The following NAV2 variants were observed in gnomAD, a reference collection of about 807,000 sequenced individuals.
NAV2 encodes neuron navigator 2.
In NAV2, 54 loss-of-function variants were observed where a neutral mutation model predicts 223.2. The ratio of observed to expected loss-of-function variants is 0.24; its 90% CI spans 0.19 to 0.30. The LOEUF (loss-of-function observed/expected upper bound fraction) is 0.30. Among genes scored for constraint, NAV2 ranks in the 10% least tolerant of loss-of-function variants. The pLI, the probability that NAV2 is intolerant of heterozygous loss-of-function variation, is 1.00. For missense variants in NAV2, 2,806 were observed against 3,147.5 expected (o/e 0.89, Z 2.60); for synonymous variants, 1,279 against 1,239.3 (o/e 1.03, Z -0.67).
intron 1 of NAV2, among the ~76,000 whole-genome samples, chr11:19,560,488 G>C (rs1435620869): frequency 1.3e-5 from 2 of 152,182 alleles, no homozygotes; most frequent in African/African-American, 4.8e-5. Context: ...ATGTGCCTCA[G>C]ATGTCTGCTG....
chr11:19,924,260 T>C (rs2044529210), intron 6 of NAV2, among the ~76,000 whole-genome samples: 1 of 148,472 alleles, frequency 6.7e-6, no homozygotes, highest in Non-Finnish European at 1.5e-5. Context: ...TTGGAGAAAA[T>C]GTAGTGAAAA....
In NAV2 at chr11:20,105,280, A is replaced by G. The variant is rs1479597487; in HGVS notation, c.6645-251A>G. 1.3e-5 allele frequency: 5 copies of G among 390,300 alleles called. No homozygotes were observed. In the Admixed American group the frequency reaches 1.3e-4, roughly 10 times the overall value. 24.2% of individuals were successfully genotyped at this position (390,300 alleles called of 1,614,324 possible). A position where few individuals can be genotyped will look rare whatever the true frequency, so the allele number is the denominator to read the frequency against. On this transcript the variant is annotated intron_variant, in intron 34 of 37. Transcript: ENST00000349880. ...AGCTGTTTGATCCTGGAAAAGTTAC[A>G]TGACCTGTCTGTTCCTCAGCATTTC...
intron 1 of NAV2, among the ~76,000 whole-genome samples, chr11:19,389,636 G>T (rs1849171878): frequency 1.3e-5 from 2 of 152,292 alleles, no homozygotes; most frequent in South Asian, 2.1e-4. Context: ...CCTCATAAGG[G>T]TTACATGCCA....
intron 1 of NAV2, among the ~76,000 whole-genome samples, chr11:19,364,126 C>G (rs972263992): frequency 2.0e-5 from 3 of 152,154 alleles, no homozygotes; most frequent in African/African-American, 7.2e-5. Flanking sequence ...GCAGCCAGCC[C>G]CCATCCTGAA....
At chr11:19,398,564 T>A (rs552664941) in intron 1 of NAV2, among the ~76,000 whole-genome samples, 1 of 152,102 alleles carries the variant, frequency 6.6e-6, no homozygotes, top group African/African-American at 2.4e-5. Context: ...ACACTCTGGC[T>A]TGTTGGTCCG....
chr11:19,605,362 G>T (rs1401586400), intron 1 of NAV2, among the ~76,000 whole-genome samples: 1 of 152,062 alleles, frequency 6.6e-6, no homozygotes, highest in African/African-American at 2.4e-5. Flanking sequence ...CTCCCAAGGA[G>T]AGTAAAGGAA....
At chr11:20,038,899 A>G (rs10741811) in intron 12 of NAV2, among the ~76,000 whole-genome samples, 150,944 of 152,332 alleles carry the variant, frequency 0.99, 74,799 homozygotes, top group East Asian at 1. Flanking sequence ...ACAGCCTCGT[A>G]TAGCTGATTG....
intron 4 of NAV2, among the ~76,000 whole-genome samples, chr11:19,878,426 CG>C (rs1411696180): frequency 6.6e-6 from 1 of 152,148 alleles, no homozygotes; most frequent in Non-Finnish European, 1.5e-5. Flanking sequence ...TGGGGCAAAG[CG>C]GTGTCCGTAT....
intron 36 of NAV2, among the ~76,000 whole-genome samples, chr11:20,108,878 A>G (rs527672350): frequency 6.6e-6 from 1 of 152,352 alleles, no homozygotes; most frequent in African/African-American, 2.4e-5. Flanking sequence ...GTAGGCTTTT[A>G]ACACTCACAG....
intron 1 of NAV2, among the ~76,000 whole-genome samples, chr11:19,620,725 C>T (rs555015826): frequency 1.3e-5 from 2 of 152,280 alleles, no homozygotes; most frequent in Non-Finnish European, 1.5e-5. Flanking sequence ...ATTTGACTTC[C>T]TCTTTTCCTA....
At chr11:19,358,659 G>A (rs1853758293) in intron 1 of NAV2, among the ~76,000 whole-genome samples, 1 of 152,132 alleles carries the variant, frequency 6.6e-6, no homozygotes, top group Non-Finnish European at 1.5e-5. Flanking sequence ...GTACCAATCT[G>A]CATACCTGGG....
At chr11:19,943,982 G>A (rs1203680343) in intron 8 of NAV2, among the ~76,000 whole-genome samples, 2 of 152,172 alleles carry the variant, frequency 1.3e-5, no homozygotes, top group East Asian at 3.9e-4. Context: ...TGGATCACCT[G>A]AAGCCAGGAG....
chr11:20,110,801 C>A (rs938969560), intron 36 of NAV2, among the ~76,000 whole-genome samples: 23 of 152,246 alleles, frequency 1.5e-4, no homozygotes, highest in Admixed American at 1.4e-3. Context: ...CTAGGGTCAC[C>A]TGCCCCTCAC....
intron 1 of NAV2, among the ~76,000 whole-genome samples, chr11:19,716,769 C>T (rs1021234446): frequency 6.6e-6 from 1 of 152,198 alleles, no homozygotes; most frequent in African/African-American, 2.4e-5. Context: ...ACAGTAACAA[C>T]ATGGTAACAA....
intron 1 of NAV2, chr11:19,777,584 C>T (rs1007819345): frequency 1.1e-5 from 5 of 453,762 alleles, no homozygotes; most frequent in Non-Finnish European, 1.8e-5. Context: ...ACCCCGCCCC[C>T]CATCCCCTTT....
chr11:20,046,877 T>C (rs1244450743), intron 14 of NAV2, among the ~76,000 whole-genome samples: 1 of 152,112 alleles, frequency 6.6e-6, no homozygotes, highest in African/African-American at 2.4e-5. Context: ...AAATTTCTTA[T>C]CATAAGAAAG....
chr11:20,079,845 T>C (rs572512725), intron 24 of NAV2, among the ~76,000 whole-genome samples: 1 of 152,274 alleles, frequency 6.6e-6, no homozygotes, highest in African/African-American at 2.4e-5. Flanking sequence ...TTCTGTTTTG[T>C]AAAGTGGGGA....
rs3042688 is a variant in NAV2 at position 19,466,984 on chromosome 11, TACAC to T, written c.75+115989_75+115992del. ...TCTTGTTCTCTCTTCTCTCTCTCTC[TACAC>T]ACACACACACACACACACACACACA... On this transcript the variant is annotated intron_variant, in intron 1 of 37. Coordinates refer to the NAV2 transcript ENST00000360655. Among the ~76,000 whole-genome samples, 990 of 125,116 alleles carry T rather than the reference TACAC, an allele frequency of 7.9e-3. 9 individuals carry two copies. Among genetic ancestry groups the T allele is most frequent in the South Asian group, 0.032 (112 of 3,448 alleles). 82.1% of individuals were successfully genotyped at this position (125,116 alleles called of 152,430 possible).
intron 1 of NAV2, among the ~76,000 whole-genome samples, chr11:19,554,752 A>G (rs2044812496): frequency 6.6e-6 from 1 of 152,138 alleles, no homozygotes; most frequent in African/African-American, 2.4e-5. Context: ...AGATCACCTG[A>G]GGTCGGGAGT....
Sources: gnomAD v4.1 joint callset for allele counts (sites outside exome capture counted in the v4.1 genomes callset) on GRCh38, gnomAD v4.1.1 for gene constraint, MANE v1.5 for transcripts, NCBI Gene and HGNC (gene_info 2026-07-23, HGNC 2026-07-21) for gene names.